C18orf63: variants seen among roughly 807,000 people sequenced by gnomAD.
C18orf63 encodes the protein uncharacterized protein C18orf63.
In C18orf63, 50 loss-of-function variants were observed where a neutral mutation model predicts 75.3. The ratio of observed to expected loss-of-function variants is 0.66; its 90% CI spans 0.53 to 0.84. C18orf63 has a LOEUF of 0.84. Ranked by LOEUF, C18orf63 falls within the 40% of genes least tolerant of loss-of-function variation. The probability of loss-of-function intolerance (pLI) is 0.00; values close to 1 mark genes in which losing one functional copy is unlikely to be tolerated. For synonymous variants in C18orf63, 232 were observed against 267.6 expected (o/e 0.87, Z 1.30); for missense variants, 732 against 800.2 (o/e 0.91, Z 1.03).
intron 4 of C18orf63, among the ~76,000 whole-genome samples, chr18:74,325,354 CT>C (rs1568235271): frequency 2.6e-5 from 4 of 152,032 alleles, no homozygotes; most frequent in Non-Finnish European, 5.9e-5. Flanking sequence ...GATCTTTTTG[CT>C]GTTGATTTCC....
chr18:74,342,819 C>A (rs1226372283), intron 10 of C18orf63, among the ~76,000 whole-genome samples: 1 of 152,014 alleles, frequency 6.6e-6, no homozygotes. Context: ...TTTTTAAAAT[C>A]GAAATATACA....
chr18:74,331,481 AGTT>A (rs1984306054), intron 7 of C18orf63, among the ~76,000 whole-genome samples: 1 of 152,204 alleles, frequency 6.6e-6, no homozygotes, highest in African/African-American at 2.4e-5. Flanking sequence ...CTAGGCCAGT[AGTT>A]CTCAATGGAA....
intron 11 of C18orf63, among the ~76,000 whole-genome samples, chr18:74,352,318 T>C (rs1336753017): frequency 6.6e-6 from 1 of 152,156 alleles, no homozygotes; most frequent in Non-Finnish European, 1.5e-5. Context: ...TTGGAAATAG[T>C]ATTGATGGTT....
At position 74,342,226 on chromosome 18, in the gene C18orf63, G is replaced by A. The variant is rs895518952; in HGVS notation, c.709-15G>A. 13 of 1,498,466 alleles carry A rather than the reference G, an allele frequency of 8.7e-6. No homozygotes were observed. The African/African-American group carries it at 1.5e-4, about 18-fold the overall frequency. 92.8% of individuals were successfully genotyped at this position (1,498,466 alleles called of 1,614,324 possible). A position where few individuals can be genotyped will look rare whatever the true frequency, so the allele number is the denominator to read the frequency against. ...CTTTCTCCAAGATATTTAAAATTTT[G>A]TGCTTAATTTTTAGTATGGCTATAA... is the stretch of plus-strand genomic sequence containing the variant. On this transcript the variant is annotated splice_polypyrimidine_tract_variant and intron_variant, in intron 9 of 13. Transcript: ENST00000579455.
chr18:74,358,819 A>G lies in C18orf63; in HGVS notation c.*2372A>G, dbSNP rs914732448. ...AAAAGTGCTTCTCATATACTCATAT[A>G]TTAGGTTTCACAGTATTGGTTGCTT... On this transcript the variant is annotated 3_prime_UTR_variant, in exon 14 of 14. Transcript: ENST00000579455. The G allele has an allele frequency of 6.6e-6, 1 of 152,172 alleles. No homozygotes were observed. Among genetic ancestry groups the G allele is most frequent in the Non-Finnish European group, 1.5e-5 (1 of 68,010 alleles). The allele number at this position is 152,172 out of a possible 1,614,324, so 9.4% of individuals were successfully genotyped here.
At position 74,343,610 on chromosome 18, in the gene C18orf63, A is replaced by G; in HGVS notation, c.886A>G (p.Lys296Glu). ...GTTGAAAAGTTTTCTTTCAGATTTA[A>G]AATCTAAACTGCCCCATATATGTGG... is the stretch of plus-strand genomic sequence containing the variant. Reference protein sequence around the residue: ...VVLKSFLSDLKSKLPHICGFP... With the variant: ...VVLKSFLSDLESKLPHICGFP... The change falls in exon 11 of 14, where the codon AAA becomes GAA. Residue 296 changes from lysine (K) to glutamate (E), a missense_variant. Physicochemically the swap from Lys to Glu is moderately conservative, Grantham distance 56 (BLOSUM62 1). Coordinates refer to ENST00000579455, the MANE Select transcript of C18orf63 (RefSeq NM_001174123.2). The G allele has an allele frequency of 6.5e-7, 1 of 1,534,980 alleles. No homozygotes were observed. Among genetic ancestry groups the G allele is most frequent in the South Asian group, 1.2e-5 (1 of 83,920 alleles).
In C18orf63 at chr18:74,356,893, C is replaced by T. The variant is rs1053044869; in HGVS notation, c.*446C>T. 1 of 151,858 alleles carries T rather than the reference C, an allele frequency of 6.6e-6. No homozygotes were observed. Among genetic ancestry groups the T allele is most frequent in the Non-Finnish European group, 1.5e-5 (1 of 67,996 alleles). The allele number at this position is 151,858 out of a possible 1,614,324, so 9.4% of individuals were successfully genotyped here. A position where few individuals can be genotyped will look rare whatever the true frequency, so the allele number is the denominator to read the frequency against. ...TATTTTGCCACTGTTTCATCTGTTC[C>T]TCACAGACATGCTTTTTTTTGCTAT... On this transcript the variant is annotated 3_prime_UTR_variant, in exon 14 of 14. Coordinates refer to ENST00000579455, the MANE Select transcript of C18orf63 (RefSeq NM_001174123.2).
rs142607694 is a variant in C18orf63, at chr18:74,340,306, G to A, written c.611+1482G>A. ...AATGCAAATTAAAGTCACAATGAGC[G>A]ATCACCTCATACCTGATGAATGGCT... On this transcript the variant is annotated intron_variant, in intron 8 of 13. Transcript: ENST00000579455. Among the ~76,000 whole-genome samples the A allele has an allele frequency of 2.7e-3, 405 of 152,190 alleles. 10 individuals carry two copies. The highest frequency in any genetic ancestry group is 0.021 in the Admixed American group (322 of 15,292).
At chr18:74,337,875 A>G (rs1334550503) in intron 7 of C18orf63, among the ~76,000 whole-genome samples, 1 of 152,178 alleles carries the variant, frequency 6.6e-6, no homozygotes, top group Admixed American at 6.5e-5. Context: ...AGATCCAGGC[A>G]TTAGGACCTT....
At chr18:74,341,136 C>T (rs1162012887) in intron 8 of C18orf63, among the ~76,000 whole-genome samples, 3 of 151,308 alleles carry the variant, frequency 2.0e-5, no homozygotes, top group Non-Finnish European at 4.4e-5. Context: ...TAGTGGTGGG[C>T]GCCTGTAGTC....
At chr18:74,322,059 A>G (rs1984133571) in intron 3 of C18orf63, among the ~76,000 whole-genome samples, 1 of 152,224 alleles carries the variant, frequency 6.6e-6, no homozygotes, top group Non-Finnish European at 1.5e-5. Context: ...GTGTTTCAGA[A>G]AGCATCATTG....
At chr18:74,345,056 GGTATT>G (rs1984550375) in intron 11 of C18orf63, among the ~76,000 whole-genome samples, 1 of 151,912 alleles carries the variant, frequency 6.6e-6, no homozygotes, top group Non-Finnish European at 1.5e-5. Context: ...GCCCATTTTT[GGTATT>G]GTTGGTCTTG....
intron 11 of C18orf63, among the ~76,000 whole-genome samples, chr18:74,348,978 CAG>C (rs1235133763): frequency 2.0e-5 from 3 of 152,140 alleles, no homozygotes; most frequent in Non-Finnish European, 2.9e-5. Flanking sequence ...GAAGAAGAAA[CAG>C]TGTGTGAATA....
intron 4 of C18orf63, among the ~76,000 whole-genome samples, chr18:74,324,400 T>G (rs1227997148): frequency 6.6e-6 from 1 of 152,236 alleles, no homozygotes; most frequent in African/African-American, 2.4e-5. Context: ...GTGTTTTTGG[T>G]CTTTATTTAA....
At chr18:74,333,451 A>C (rs9947857) in intron 7 of C18orf63, among the ~76,000 whole-genome samples, 5,630 of 152,316 alleles carry the variant, frequency 0.037, 354 homozygotes, top group African/African-American at 0.13. Flanking sequence ...ATTGACTCAC[A>C]GTTCCTCATG....
At chr18:74,347,481 T>C (rs1984592920) in intron 11 of C18orf63, among the ~76,000 whole-genome samples, 1 of 152,218 alleles carries the variant, frequency 6.6e-6, no homozygotes, top group African/African-American at 2.4e-5. Context: ...AGGCACATCC[T>C]TGGGCATTGG....
intron 2 of C18orf63, 70 bp from the exon 3 acceptor site, chr18:74,320,443 C>T: frequency 9.6e-7 from 1 of 1,040,092 alleles, no homozygotes; most frequent in Non-Finnish European, 1.4e-6. Flanking sequence ...TATAATTCAA[C>T]ATGAGATTTG....
chr18:74,348,757 ATTAT>A (rs1984616246), intron 11 of C18orf63, among the ~76,000 whole-genome samples: 1 of 152,176 alleles, frequency 6.6e-6, no homozygotes, highest in Non-Finnish European at 1.5e-5. Context: ...AGTTCTGTGA[ATTAT>A]TTATCATCTC....
chr18:74,343,514 T>C lies in C18orf63; in HGVS notation c.795-5T>C. ...AATCAGACATTGTTCTTTAACATTGTTCAGATATCCTCTCAGTTGCATCAG... is the reference window on the plus strand; with the variant it reads ...AATCAGACATTGTTCTTTAACATTGCTCAGATATCCTCTCAGTTGCATCAG... On this transcript the variant is annotated splice_region_variant and splice_polypyrimidine_tract_variant and intron_variant, in intron 10 of 13. Coordinates refer to ENST00000579455, the MANE Select transcript of C18orf63 (RefSeq NM_001174123.2). The C allele has an allele frequency of 6.6e-7, 1 of 1,509,844 alleles. No individual in the cohort carries two copies. The highest frequency in any genetic ancestry group is 1.3e-5 in the South Asian group (1 of 79,268). 93.5% of individuals were successfully genotyped at this position (1,509,844 alleles called of 1,614,324 possible).
Sources: allele counts gnomAD v4.1 joint callset (sites outside exome capture counted in the v4.1 genomes callset), GRCh38; gene constraint gnomAD v4.1.1; transcripts MANE v1.5; gene names NCBI Gene and HGNC (gene_info 2026-07-23, HGNC 2026-07-21).